NTM: variants seen among roughly 807,000 people sequenced by gnomAD.
NTM encodes the protein neurotrimin, also known as IgLON family member 2.
NTM carries 13 observed loss-of-function variants against 42.1 expected under a neutral mutation model. That is an observed-to-expected ratio of 0.31 (90% CI 0.20 to 0.49). NTM has a LOEUF of 0.49. Ranked by LOEUF, NTM falls within the 20% of genes least tolerant of loss-of-function variation. NTM has a pLI of 0.99. For missense variants in NTM, 373 were observed against 452.8 expected, an observed-to-expected ratio of 0.82 and a Z score of 1.60; for synonymous variants, 187 against 179.2, an observed-to-expected ratio of 1.04 and a Z score of -0.35.
At chr11:131,619,332 C>T (rs1038160525) in intron 1 of NTM, among the ~76,000 whole-genome samples, 2 of 152,176 alleles carry the variant, frequency 1.3e-5, no homozygotes, top group African/African-American at 4.8e-5. Flanking sequence ...CTCCCAAATG[C>T]TCCCACTCTA....
intron 7 of NTM, among the ~76,000 whole-genome samples, chr11:132,319,475 C>T (rs1455423935): frequency 6.6e-6 from 1 of 152,214 alleles, no homozygotes; most frequent in Non-Finnish European, 1.5e-5. Flanking sequence ...GATTATATCC[C>T]ACACCTGGCT....
At chr11:131,507,606 A>G (rs1422193475) in intron 1 of NTM, among the ~76,000 whole-genome samples, 1 of 150,310 alleles carries the variant, frequency 6.7e-6, no homozygotes, top group Non-Finnish European at 1.5e-5. Context: ...AGTCATTGGT[A>G]GCTTGATGGG....
chr11:131,732,809 A>G (rs904382623), intron 1 of NTM, among the ~76,000 whole-genome samples: 2 of 152,186 alleles, frequency 1.3e-5, no homozygotes, highest in African/African-American at 4.8e-5. Context: ...CAGATGAGAC[A>G]TACATTTTCT....
intron 2 of NTM, among the ~76,000 whole-genome samples, chr11:132,127,860 T>C (rs2137029887): frequency 6.6e-6 from 1 of 152,324 alleles, no homozygotes; most frequent in East Asian, 1.9e-4. Flanking sequence ...GACTTAGTAG[T>C]GTCTAACGTT....
At chr11:131,684,031 A>G (rs1034151825) in intron 1 of NTM, among the ~76,000 whole-genome samples, 1 of 152,134 alleles carries the variant, frequency 6.6e-6, no homozygotes, top group Non-Finnish European at 1.5e-5. Context: ...TCTAATTCTA[A>G]CTCTACTACT....
intron 1 of NTM, among the ~76,000 whole-genome samples, chr11:131,434,034 G>T (rs983019705): frequency 2.6e-5 from 4 of 152,164 alleles, no homozygotes; most frequent in African/African-American, 9.7e-5. Flanking sequence ...ACCTATGAGT[G>T]AGAACATGCG....
chr11:131,391,583 T>C (rs2135592072), intron 1 of NTM, among the ~76,000 whole-genome samples: 1 of 149,712 alleles, frequency 6.7e-6, no homozygotes, highest in Non-Finnish European at 1.5e-5. Flanking sequence ...GTCTTTTTTT[T>C]TTTTTTTTTC....
At chr11:132,237,730 A>C (rs79961584) in intron 4 of NTM, among the ~76,000 whole-genome samples, 1,605 of 152,182 alleles carry the variant, frequency 0.011, 34 homozygotes, top group African/African-American at 0.037. Flanking sequence ...GGGCAAGTAA[A>C]AGCTTGGATG....
intron 4 of NTM, among the ~76,000 whole-genome samples, chr11:132,218,131 C>T (rs551968928): frequency 8.5e-5 from 13 of 152,152 alleles, no homozygotes; most frequent in South Asian, 2.1e-4. Context: ...TCCGGGGCCC[C>T]GTGTGGCGCT....
chr11:132,231,755 C>T (rs765251071), intron 4 of NTM, among the ~76,000 whole-genome samples: 3 of 152,212 alleles, frequency 2.0e-5, no homozygotes, highest in Admixed American at 2.0e-4. Flanking sequence ...CCAGTCTGCC[C>T]AGTGACGAGC....
intron 1 of NTM, among the ~76,000 whole-genome samples, chr11:131,544,562 G>A (rs1189191118): frequency 3.3e-5 from 5 of 151,780 alleles, no homozygotes; most frequent in Non-Finnish European, 5.9e-5. Context: ...AATATTTTCT[G>A]TGACCCTGAA....
rs145202620 is a variant in NTM at position 131,655,340 on chromosome 11, C to T, written c.83-256224C>T. Among the ~76,000 whole-genome samples the T allele has an allele frequency of 1.2e-3, 181 of 152,348 alleles. 2 individuals carry two copies. Among genetic ancestry groups the T allele is most frequent in the African/African-American group, 4.2e-3 (174 of 41,582 alleles). On this transcript the variant is annotated intron_variant, in intron 1 of 8. Coordinates refer to ENST00000683400, the MANE Select transcript of NTM (RefSeq NM_001352005.2). ...GCTATCCTTTGTGTTTTCTGGAATT[C>T]TTAGCAATTTCCAGACACTTGCTCC...
At chr11:131,760,035 G>T (rs958029629) in intron 1 of NTM, among the ~76,000 whole-genome samples, 1 of 152,140 alleles carries the variant, frequency 6.6e-6, no homozygotes, top group Non-Finnish European at 1.5e-5. Flanking sequence ...GAGAAATCGA[G>T]GGAGGGAAAA....
intron 4 of NTM, among the ~76,000 whole-genome samples, chr11:132,293,811 C>T (rs1224930876): frequency 2.6e-5 from 4 of 152,050 alleles, no homozygotes; most frequent in Non-Finnish European, 5.9e-5. Flanking sequence ...AGTGAAGCCA[C>T]ACTCACTGAT....
chr11:132,023,259 A>G (rs1295144453), intron 2 of NTM, among the ~76,000 whole-genome samples: 1 of 152,244 alleles, frequency 6.6e-6, no homozygotes, highest in African/African-American at 2.4e-5. Flanking sequence ...GGAGAAAACA[A>G]CAGCAGCTCT....
rs1360805094 is a variant in NTM, at chr11:131,382,083, T to C, written c.82+11195T>C. Among the ~76,000 whole-genome samples, 8 of 152,356 alleles carry C rather than the reference T, an allele frequency of 5.3e-5. No individual in the cohort carries two copies. The Middle Eastern group carries it at 0.01, about 194-fold the overall frequency. On this transcript the variant is annotated intron_variant, in intron 1 of 8. Coordinates refer to ENST00000683400, the MANE Select transcript of NTM (RefSeq NM_001352005.2). ...TCTAAATTTTTTCATAGTAAGAATA[T>C]GCCCATTTAAAATACTCAACTTCCA...
intron 2 of NTM, among the ~76,000 whole-genome samples, chr11:132,023,215 A>G (rs1054278724): frequency 1.3e-5 from 2 of 152,168 alleles, no homozygotes; most frequent in African/African-American, 4.8e-5. Context: ...CATTATCTCC[A>G]TTGTTACTGG....
intron 1 of NTM, among the ~76,000 whole-genome samples, chr11:131,804,598 A>C (rs1208262739): frequency 6.6e-6 from 1 of 152,068 alleles, no homozygotes; most frequent in South Asian, 2.1e-4. Flanking sequence ...AGTCTTTATC[A>C]TCTTTCAAAA....
At chr11:132,175,830 A>G (rs2076724527) in intron 3 of NTM, among the ~76,000 whole-genome samples, 1 of 151,712 alleles carries the variant, frequency 6.6e-6, no homozygotes, top group Non-Finnish European at 1.5e-5. Context: ...CCCTACCCCC[A>G]CCTCATTCTA....
Sources: gnomAD v4.1 joint callset for allele counts (sites outside exome capture counted in the v4.1 genomes callset) on GRCh38, gnomAD v4.1.1 for gene constraint, MANE v1.5 for transcripts, NCBI Gene and HGNC (gene_info 2026-07-23, HGNC 2026-07-21) for gene names.